The following RIMS1 variants were observed in gnomAD, a reference collection of about 807,000 sequenced individuals.
RIMS1 encodes the protein regulating synaptic membrane exocytosis 1, also known as regulating synaptic membrane exocytosis protein 1.
Under a neutral mutation model 214.1 loss-of-function variants are expected in RIMS1, and 83 were observed. That is an observed-to-expected ratio of 0.39 (90% CI 0.32 to 0.47). RIMS1 has a LOEUF of 0.47. Among genes scored for constraint, RIMS1 ranks in the 20% least tolerant of loss-of-function variants. The pLI is 0.99. For missense variants in RIMS1, 2,050 were observed against 2,161.8 expected, an observed-to-expected ratio of 0.95 and a Z score of 1.03; for synonymous variants, 793 against 786.8, an observed-to-expected ratio of 1.01 and a Z score of -0.13.
Position 72,033,164 on chromosome 6 carries a change from T to C in RIMS1, c.246-63785T>C, listed in dbSNP as rs527628681. 5.3e-5 allele frequency among the ~76,000 whole-genome samples: 8 copies of C among 152,352 alleles called. No homozygotes were observed. The South Asian group carries it at 1.4e-3, about 28-fold the overall frequency. On this transcript the variant is annotated intron_variant, in intron 2 of 33. Transcript: ENST00000521978. The stretch of plus-strand genomic sequence containing the variant: ...TTTTCCAGAATTCATCTTTGTATTC[T>C]TTGTTCACCTTAGATCTACAGTTCA...
rs1278609259 is a variant in RIMS1 at position 72,032,472 on chromosome 6, T to C, written c.245+63409T>C. On this transcript the variant is annotated intron_variant, in intron 2 of 33. Coordinates refer to ENST00000521978, the MANE Select transcript of RIMS1 (RefSeq NM_014989.7). ...TTTCATTTTAGCTGGAAATGAATGG[T>C]ATCTGGGAGAGAAGACAGGATACCC... Among the ~76,000 whole-genome samples the C allele has an allele frequency of 3.3e-5, 5 of 152,080 alleles. No individual in the cohort carries two copies. In the East Asian group the frequency reaches 7.7e-4, roughly 23 times the overall value.
At chr6:71,944,048 C>T (rs546800978) in intron 1 of RIMS1, among the ~76,000 whole-genome samples, 89 of 152,146 alleles carry the variant, frequency 5.8e-4, no homozygotes, top group Non-Finnish European at 1.0e-3. Context: ...ATCATGCCTA[C>T]ATAAAATATA....
chr6:72,207,598 G>A (rs1041243084), intron 6 of RIMS1, among the ~76,000 whole-genome samples: 5 of 152,066 alleles, frequency 3.3e-5, no homozygotes, highest in African/African-American at 1.2e-4. Context: ...GTTCTGTGAG[G>A]ACAAATAAAT....
intron 2 of RIMS1, among the ~76,000 whole-genome samples, chr6:72,090,255 C>A (rs1014788044): frequency 6.6e-6 from 1 of 152,168 alleles, no homozygotes; most frequent in Non-Finnish European, 1.5e-5. Flanking sequence ...GATTCACCCA[C>A]CTTGGCCTCT....
intron 2 of RIMS1, among the ~76,000 whole-genome samples, chr6:72,092,346 A>G (rs1431722692): frequency 1.7e-5 from 2 of 119,996 alleles, no homozygotes. Context: ...TAAAATAAGG[A>G]GCATTGCAGG....
At chr6:72,074,964 A>T (rs1831441622) in intron 2 of RIMS1, among the ~76,000 whole-genome samples, 1 of 152,196 alleles carries the variant, frequency 6.6e-6, no homozygotes, top group Admixed American at 6.5e-5. Flanking sequence ...TTAATTAAAA[A>T]AATTAAGACA....
At chr6:72,063,322 T>C (rs1284902581) in intron 2 of RIMS1, among the ~76,000 whole-genome samples, 1 of 152,026 alleles carries the variant, frequency 6.6e-6, no homozygotes. Context: ...ATGCAAGTGA[T>C]GGGAGCTGGG....
chr6:72,117,198 A>C (rs903672000), intron 4 of RIMS1, among the ~76,000 whole-genome samples: 1 of 151,990 alleles, frequency 6.6e-6, no homozygotes, highest in African/African-American at 2.4e-5. Context: ...GGGGCTAAAA[A>C]ATCTGCATTT....
intron 6 of RIMS1, among the ~76,000 whole-genome samples, chr6:72,188,531 G>A (rs938968020): frequency 6.6e-6 from 1 of 152,146 alleles, no homozygotes; most frequent in African/African-American, 2.4e-5. Flanking sequence ...GCACAAATAT[G>A]TTCTTAACAA....
intron 29 of RIMS1, among the ~76,000 whole-genome samples, chr6:72,379,112 T>C (rs1277858684): frequency 6.6e-6 from 1 of 152,250 alleles, no homozygotes; most frequent in Non-Finnish European, 1.5e-5. Context: ...AATTTTATTA[T>C]TTCAAAAATC....
intron 2 of RIMS1, among the ~76,000 whole-genome samples, chr6:72,032,293 T>C (rs950253958): frequency 1.3e-5 from 2 of 152,158 alleles, no homozygotes; most frequent in African/African-American, 4.8e-5. Context: ...AACTGATTCA[T>C]TGTCAGTTAA....
chr6:72,202,712 A>G (rs949718820), intron 6 of RIMS1, among the ~76,000 whole-genome samples: 6 of 152,226 alleles, frequency 3.9e-5, no homozygotes, highest in Non-Finnish European at 7.3e-5. Context: ...TATGAAAAAC[A>G]TGATCATGAA....
chr6:72,198,663 T>C (rs1852702), intron 6 of RIMS1, among the ~76,000 whole-genome samples: 78,717 of 151,650 alleles, frequency 0.52, 22,225 homozygotes, highest in East Asian at 0.82. Context: ...GGACTTAAAA[T>C]GTTCCCAACA....
At chr6:72,098,089 G>A (rs1311246733) in intron 3 of RIMS1, among the ~76,000 whole-genome samples, 1 of 152,054 alleles carries the variant, frequency 6.6e-6, no homozygotes, top group Non-Finnish European at 1.5e-5. Context: ...ATCATTAATA[G>A]ATTATAATAC....
At chr6:72,357,445 G>A (rs1004461976) in intron 29 of RIMS1, among the ~76,000 whole-genome samples, 5 of 152,192 alleles carry the variant, frequency 3.3e-5, no homozygotes, top group African/African-American at 1.2e-4. Context: ...GTAACAAATA[G>A]ACTTAGGGGA....
intron 2 of RIMS1, among the ~76,000 whole-genome samples, chr6:71,993,958 C>T (rs897056012): frequency 5.3e-5 from 8 of 152,058 alleles, no homozygotes; most frequent in Non-Finnish European, 8.8e-5. Flanking sequence ...TAAGCAATTT[C>T]GATAGTCAAT....
At chr6:72,291,776 T>G (rs747252502) in intron 25 of RIMS1, among the ~76,000 whole-genome samples, 158 bp from the exon 26 acceptor site, 30 of 152,222 alleles carry the variant, frequency 2.0e-4, no homozygotes, top group Non-Finnish European at 4.0e-4. Flanking sequence ...TTTTGTAATA[T>G]TCCATTTACA....
intron 22 of RIMS1, among the ~76,000 whole-genome samples, chr6:72,269,013 G>T (rs1440419123): frequency 6.6e-6 from 1 of 152,094 alleles, no homozygotes; most frequent in South Asian, 2.1e-4. Context: ...CAGAAGCAAT[G>T]ATTTTTAGAG....
intron 2 of RIMS1, among the ~76,000 whole-genome samples, chr6:72,021,826 G>C (rs942418293): frequency 6.6e-6 from 1 of 152,044 alleles, no homozygotes; most frequent in African/African-American, 2.4e-5. Flanking sequence ...AGGTCTGCAT[G>C]GAGCCATCAG....
Sources: allele counts gnomAD v4.1 joint callset (sites outside exome capture counted in the v4.1 genomes callset), GRCh38; gene constraint gnomAD v4.1.1; transcripts MANE v1.5; gene names NCBI Gene and HGNC (gene_info 2026-07-23, HGNC 2026-07-21).